The following FOXO3 variants were observed in gnomAD, a reference collection of about 807,000 sequenced individuals.
The protein encoded by FOXO3 is forkhead box O3.
In FOXO3, 4 loss-of-function variants were observed where a neutral mutation model predicts 41.9. That is an observed-to-expected ratio of 0.10 (90% CI 0.05 to 0.22). FOXO3 has a LOEUF of 0.22. Ranked by LOEUF, FOXO3 falls within the 10% of genes least tolerant of loss-of-function variation. FOXO3 has a pLI of 1.00. For missense variants in FOXO3, 534 were observed against 906.8 expected (o/e 0.59, Z 5.28); for synonymous variants, 318 against 389.3 (o/e 0.82, Z 2.16).
chr6:108,622,148 A>G (rs1274371081), intron 1 of FOXO3, among the ~76,000 whole-genome samples: 2 of 151,528 alleles, frequency 1.3e-5, no homozygotes, highest in African/African-American at 4.9e-5. Context: ...CATCCCAGCC[A>G]CTTGCGAGGC....
chr6:108,590,158 C>T (rs1034644708), intron 1 of FOXO3, among the ~76,000 whole-genome samples: 1 of 149,488 alleles, frequency 6.7e-6, no homozygotes, highest in Non-Finnish European at 1.5e-5. Context: ...TTTGAGATGG[C>T]TTTACTCTGT....
intron 1 of FOXO3, 84 bp downstream of exon 1, chr6:108,561,913 C>CT (rs1471955826): frequency 1.4e-6 from 2 of 1,468,264 alleles, no homozygotes; most frequent in Non-Finnish European, 1.8e-6. Context: ...TCGGAGTGCG[C>CT]TTGCGGGCTC....
At chr6:108,593,856 A>C (rs540895045) in intron 1 of FOXO3, among the ~76,000 whole-genome samples, 3,187 of 151,064 alleles carry the variant, frequency 0.021, 114 homozygotes, top group African/African-American at 0.072. Flanking sequence ...AGCTGGGATT[A>C]CAGGCATGTG....
chr6:108,620,792 G>A (rs902750814), intron 1 of FOXO3, among the ~76,000 whole-genome samples: 27 of 152,178 alleles, frequency 1.8e-4, no homozygotes, highest in African/African-American at 6.3e-4. Context: ...AATTAATATC[G>A]TAAATGTTTT....
At chr6:108,626,672 C>T (rs898731917) in intron 1 of FOXO3, among the ~76,000 whole-genome samples, 4 of 151,490 alleles carry the variant, frequency 2.6e-5, no homozygotes, top group Non-Finnish European at 5.9e-5. Flanking sequence ...AGTGAAATGT[C>T]CTTTCGGGAC....
At chr6:108,563,957 GTT>G (rs1191964328) in intron 1 of FOXO3, among the ~76,000 whole-genome samples, 1 of 143,472 alleles carries the variant, frequency 7.0e-6, no homozygotes. Context: ...TTGTCTTATG[GTT>G]TTTTTTTTTT....
intron 1 of FOXO3, among the ~76,000 whole-genome samples, chr6:108,661,456 A>T (rs903160964): frequency 1.3e-5 from 2 of 152,116 alleles, no homozygotes; most frequent in African/African-American, 4.8e-5. Context: ...CCGGATGTGG[A>T]GCATACAGAT....
chr6:108,613,799 T>C (rs1282176548), intron 1 of FOXO3, among the ~76,000 whole-genome samples: 1 of 152,174 alleles, frequency 6.6e-6, no homozygotes, highest in African/African-American at 2.4e-5. Flanking sequence ...TTTGCTCTTT[T>C]TCTGGCATCT....
chr6:108,622,563 A>G (rs1777699186), intron 1 of FOXO3, among the ~76,000 whole-genome samples: 1 of 152,010 alleles, frequency 6.6e-6, no homozygotes. Flanking sequence ...TTGTTTTAAC[A>G]TCTCTGTTTC....
At chr6:108,598,250 T>A (rs1776943144) in intron 1 of FOXO3, among the ~76,000 whole-genome samples, 2 of 152,212 alleles carry the variant, frequency 1.3e-5, no homozygotes. Context: ...TCCCTGTGCA[T>A]CTTTCTGTTC....
At chr6:108,607,963 C>T (rs911139869) in intron 1 of FOXO3, among the ~76,000 whole-genome samples, 1 of 152,066 alleles carries the variant, frequency 6.6e-6, no homozygotes, top group Admixed American at 6.6e-5. Flanking sequence ...TTATAATTAC[C>T]AGATTCTTAC....
chr6:108,560,213 C>G (rs543279222), upstream of FOXO3, among the ~76,000 whole-genome samples: 1 of 152,312 alleles, frequency 6.6e-6, no homozygotes, highest in South Asian at 2.1e-4. Context: ...AGGTGATGAA[C>G]GTGCTGGTCC....
intron 1 of FOXO3, among the ~76,000 whole-genome samples, chr6:108,617,489 A>T (rs1272095118): frequency 6.6e-6 from 1 of 152,038 alleles, no homozygotes. Context: ...AGAGTAGTTT[A>T]TCCCTAGATA....
At chr6:108,617,502 G>A (rs1303300471) in intron 1 of FOXO3, among the ~76,000 whole-genome samples, 3 of 151,732 alleles carry the variant, frequency 2.0e-5, no homozygotes, top group Middle Eastern at 6.3e-3. Flanking sequence ...CCTAGATAAA[G>A]ACAGATTGCC....
chr6:108,653,281 C>A (rs546864968), intron 1 of FOXO3, among the ~76,000 whole-genome samples: 3 of 152,284 alleles, frequency 2.0e-5, no homozygotes, highest in South Asian at 4.1e-4. Context: ...TAAACAGATA[C>A]AATTTTTTGA....
chr6:108,667,162 A>G (rs1455906695), intron 2 of FOXO3, among the ~76,000 whole-genome samples: 1 of 152,162 alleles, frequency 6.6e-6, no homozygotes, highest in Non-Finnish European at 1.5e-5. Context: ...TCAGTCATTT[A>G]ATAGCCCTTG....
chr6:108,677,130 C>T (rs1770632419), intron 2 of FOXO3, among the ~76,000 whole-genome samples: 1 of 152,206 alleles, frequency 6.6e-6, no homozygotes, highest in South Asian at 2.1e-4. Context: ...GCAGGCCTCC[C>T]TGGGAGGGCA....
chr6:108,679,786 G>C (rs1770772955), intron 2 of FOXO3, 41 bp from the exon 3 acceptor site: 1 of 154,506 alleles, frequency 6.5e-6, no homozygotes, highest in African/African-American at 2.4e-5. Flanking sequence ...TGCTGTTGCA[G>C]TGCCCTTAAT....
At chr6:108,596,183 A>C (rs1019865525) in intron 1 of FOXO3, among the ~76,000 whole-genome samples, 1 of 152,034 alleles carries the variant, frequency 6.6e-6, no homozygotes, top group Non-Finnish European at 1.5e-5. Flanking sequence ...TAGCATTGAA[A>C]ACATTTTTAT....
Sources: gnomAD v4.1 joint callset for allele counts (sites outside exome capture counted in the v4.1 genomes callset) on GRCh38, gnomAD v4.1.1 for gene constraint, MANE v1.5 for transcripts, NCBI Gene and HGNC (gene_info 2026-07-23, HGNC 2026-07-21) for gene names.